The following AS3MT variants were observed in gnomAD, a reference collection of about 807,000 sequenced individuals.
AS3MT encodes arsenite methyltransferase, also known as S-adenosyl-L-methionine:arsenic(III) methyltransferase.
AS3MT carries 47 observed loss-of-function variants against 45.3 expected under a neutral mutation model. The ratio of observed to expected loss-of-function variants is 1.04; its 90% CI spans 0.82 to 1.32. The LOEUF is 1.32. Among genes scored for constraint, AS3MT ranks in the 40% most tolerant of loss-of-function variants. AS3MT has a pLI of 0.00. For synonymous variants in AS3MT, 141 were observed against 152.8 expected (o/e 0.92, Z 0.57); for missense variants, 396 against 451.1 (o/e 0.88, Z 1.11).
At chr10:102,874,880 C>G (rs1367582804) in intron 6 of AS3MT, among the ~76,000 whole-genome samples, 1 of 152,172 alleles carries the variant, frequency 6.6e-6, no homozygotes, top group Non-Finnish European at 1.5e-5. Context: ...ACAGTTGTCA[C>G]TGAATGTGTT....
At position 102,873,178 on chromosome 10, in the gene AS3MT, T is replaced by TAC; in HGVS notation, c.405_406dup (p.Ile136ThrfsTer41). On this transcript the variant is annotated frameshift_variant, in exon 5 of 11. Transcript: ENST00000369880. LOFTEE classifies it high-confidence loss of function. ...ATCTAATGTGACTTTTATTCATGGC[T>TAC]ACATTGAGAAGTTGGGAGAGGCTGG... The TAC allele has an allele frequency of 6.2e-7, 1 of 1,611,388 alleles. No individual in the cohort carries two copies.
chr10:102,879,432 C>T (rs1844838913), intron 9 of AS3MT, among the ~76,000 whole-genome samples: 1 of 151,978 alleles, frequency 6.6e-6, no homozygotes, highest in Non-Finnish European at 1.5e-5. Context: ...GCTGGGATTA[C>T]AGGCGTGAAC....
In AS3MT at chr10:102,889,674, T is replaced by TCC. The variant is rs773811227; in HGVS notation, c.886-869_886-868dup. ...TTCCTTCCTTCCTTCCCTTCCTCCCTCCACCCCCCCCGCCCCTTTCAGATG... is the reference window on the plus strand; with the variant it reads ...TTCCTTCCTTCCTTCCCTTCCTCCCTCCCCACCCCCCCCGCCCCTTTCAGATG... On this transcript the variant is annotated intron_variant, in intron 9 of 10. Coordinates refer to ENST00000369880, the MANE Select transcript of AS3MT (RefSeq NM_020682.4). Among the ~76,000 whole-genome samples the TCC allele has an allele frequency of 4.5e-4, 55 of 122,132 alleles. No homozygotes were observed. The East Asian group carries it at 6.5e-3, about 14-fold the overall frequency. The allele number at this position is 122,132 out of a possible 152,430, so 80.1% of individuals were successfully genotyped here.
intron 3 of AS3MT, 98 bp downstream of exon 3, chr10:102,870,309 C>T: frequency 7.0e-7 from 1 of 1,433,066 alleles, no homozygotes; most frequent in South Asian, 1.2e-5. Flanking sequence ...TAGCCACCAA[C>T]CCATCAGCTT....
chr10:102,886,976 T>A, intron 9 of AS3MT, among the ~76,000 whole-genome samples: 1 of 152,210 alleles, frequency 6.6e-6, no homozygotes, highest in Non-Finnish European at 1.5e-5. Flanking sequence ...TGCTATAAAC[T>A]TTCCTCTTAG....
chr10:102,879,044 C>T, intron 9 of AS3MT, 53 bp downstream of exon 9: 6 of 1,552,284 alleles, frequency 3.9e-6, no homozygotes, highest in Non-Finnish European at 4.4e-6. Context: ...CTTGCCCTTG[C>T]TCCAGCTATC....
At chr10:102,883,238 C>T (rs1175650419) in intron 9 of AS3MT, among the ~76,000 whole-genome samples, 1 of 151,280 alleles carries the variant, frequency 6.6e-6, no homozygotes, top group Non-Finnish European at 1.5e-5. Flanking sequence ...GTAGCTTGGA[C>T]TACAGGTGGG....
chr10:102,886,893 A>C (rs2134123502), intron 9 of AS3MT, among the ~76,000 whole-genome samples: 1 of 152,298 alleles, frequency 6.6e-6, no homozygotes, highest in East Asian at 1.9e-4. Context: ...CTGAGATCTT[A>C]TTTGAAATCT....
intron 10 of AS3MT, among the ~76,000 whole-genome samples, chr10:102,898,026 A>G (rs187700467): frequency 6.6e-6 from 1 of 152,278 alleles, no homozygotes. Flanking sequence ...AAATGGGAAT[A>G]AGTGACACTG....
At chr10:102,873,072 C>A in intron 4 of AS3MT, 25 bp from the exon 5 acceptor site, 1 of 1,532,138 alleles carries the variant, frequency 6.5e-7, no homozygotes, top group Non-Finnish European at 8.7e-7. Flanking sequence ...AAAATGTTAT[C>A]AAAACTATAT....
At chr10:102,895,146 A>G (rs540609601) in intron 10 of AS3MT, among the ~76,000 whole-genome samples, 7 of 152,082 alleles carry the variant, frequency 4.6e-5, no homozygotes, top group Non-Finnish European at 8.8e-5. Flanking sequence ...CTTAACTTCA[A>G]TAACATACTA....
intron 5 of AS3MT, among the ~76,000 whole-genome samples, chr10:102,874,245 C>T (rs1186664506): frequency 2.0e-5 from 3 of 148,628 alleles, no homozygotes; most frequent in Non-Finnish European, 3.0e-5. Flanking sequence ...AGGAGTGAAA[C>T]ATCCTCTCGG....
chr10:102,891,211 A>G (rs1401989333), intron 10 of AS3MT, among the ~76,000 whole-genome samples: 1 of 152,126 alleles, frequency 6.6e-6, no homozygotes, highest in Non-Finnish European at 1.5e-5. Flanking sequence ...TTTCCCTGGT[A>G]CTGTCTGTGA....
In AS3MT at chr10:102,878,474, A is replaced by G. The variant is rs748695393; in HGVS notation, c.706A>G (p.Ile236Val). 3 of 1,614,098 alleles carry G rather than the reference A, an allele frequency of 1.9e-6. No homozygotes were observed. In the Admixed American group the frequency reaches 5.0e-5, roughly 27 times the overall value. The change falls in exon 8 of 11, where the codon ATT becomes GTT. Residue 236 changes from isoleucine to valine, a missense_variant. Physicochemically the swap from Ile to Val is conservative, Grantham distance 29 (BLOSUM62 3). Coordinates refer to ENST00000369880, the MANE Select transcript of AS3MT (RefSeq NM_020682.4). ...CPPRLVTANL[I>V]TIQNKELERV... ...TCCACGTTTGGTCACTGCCAATCTC[A>G]TTACAATTCAAAACAAGGAACTGGA... is the stretch of plus-strand genomic sequence containing the variant.
At chr10:102,872,995 A>T (rs528037345) in intron 4 of AS3MT, 102 bp from the exon 5 acceptor site, 1 of 999,616 alleles carries the variant, frequency 1.0e-6, no homozygotes, top group East Asian at 2.6e-5. Context: ...TTTATCCAAA[A>T]TAATCTAGGG....
chr10:102,870,296 C>G, intron 3 of AS3MT, 85 bp downstream of exon 3: 2 of 1,505,956 alleles, frequency 1.3e-6, no homozygotes, highest in South Asian at 2.4e-5. Flanking sequence ...GGGAATTAAC[C>G]CGTAGCCACC....
intron 9 of AS3MT, among the ~76,000 whole-genome samples, chr10:102,889,345 C>T (rs1845021173): frequency 6.6e-6 from 1 of 152,010 alleles, no homozygotes; most frequent in Non-Finnish European, 1.5e-5. Context: ...ATTTGTCTTT[C>T]TGTGTTTGCC....
At chr10:102,890,739 C>T in intron 10 of AS3MT, 61 bp downstream of exon 10, 1 of 1,510,484 alleles carries the variant, frequency 6.6e-7, no homozygotes, top group African/African-American at 1.4e-5. Flanking sequence ...GAGATGGAGT[C>T]TCTCTCTGTC....
intron 4 of AS3MT, among the ~76,000 whole-genome samples, chr10:102,872,818 A>T (rs1216190257): frequency 1.3e-5 from 2 of 152,198 alleles, no homozygotes; most frequent in Admixed American, 1.3e-4. Flanking sequence ...CTCTGATATG[A>T]ATATCGTGAC....
Sources: gnomAD v4.1 joint callset for allele counts (sites outside exome capture counted in the v4.1 genomes callset) on GRCh38, gnomAD v4.1.1 for gene constraint, MANE v1.5 for transcripts, NCBI Gene and HGNC (gene_info 2026-07-23, HGNC 2026-07-21) for gene names.